The following RGS6 variants were observed in gnomAD, a reference collection of about 807,000 sequenced individuals.
The protein encoded by RGS6 is regulator of G protein signaling 6, also known as regulator of G-protein signaling 6.
RGS6 carries 30 observed loss-of-function variants against 78.5 expected under a neutral mutation model. The ratio of observed to expected loss-of-function variants is 0.38; its 90% CI spans 0.29 to 0.52. RGS6 has a LOEUF of 0.52. Among genes scored for constraint, RGS6 ranks in the 20% least tolerant of loss-of-function variants. The pLI is 0.85. For missense variants in RGS6, 495 were observed against 609.7 expected, an observed-to-expected ratio of 0.81 and a Z score of 1.98; for synonymous variants, 206 against 206.0, an observed-to-expected ratio of 1.00 and a Z score of 0.00.
chr14:72,083,545 A>T (rs1225234808), intron 2 of RGS6, among the ~76,000 whole-genome samples: 2 of 152,152 alleles, frequency 1.3e-5, no homozygotes, highest in Non-Finnish European at 2.9e-5. Context: ...GGCTATGTGG[A>T]TGTTGTGTAG....
At chr14:72,085,114 A>G (rs2094974447) in intron 2 of RGS6, among the ~76,000 whole-genome samples, 1 of 152,216 alleles carries the variant, frequency 6.6e-6, no homozygotes, top group Non-Finnish European at 1.5e-5. Flanking sequence ...AGAATGGTGG[A>G]TACTCCATAT....
chr14:72,337,117 A>G (rs2152639888), intron 2 of RGS6, among the ~76,000 whole-genome samples: 1 of 152,186 alleles, frequency 6.6e-6, no homozygotes, highest in Admixed American at 6.5e-5. Context: ...TTGTCATAGG[A>G]ATATCACCCA....
At chr14:71,920,728 T>C in the RGS6 span, among the ~76,000 whole-genome samples, 3 of 152,354 alleles carry the variant, frequency 2.0e-5, no homozygotes, top group East Asian at 3.9e-4. Flanking sequence ...TGCCTGCTCA[T>C]GTGTATATTA....
At position 72,122,744 on chromosome 14, in the gene RGS6, T is replaced by TG. The variant is rs201108595; in HGVS notation, c.84+157869_84+157870insG. On this transcript the variant is annotated intron_variant, in intron 2 of 17. Transcript: ENST00000553525. ...CACTCTGGGTTCTAAGTTATCGTTT[T>TG]TTTTTTTTTTTTCCATTCTATATAC... Among the ~76,000 whole-genome samples, 1,038 of 151,880 alleles carry TG rather than the reference T, an allele frequency of 6.8e-3. 34 individuals carry two copies. The highest frequency in any genetic ancestry group is 0.059 in the Admixed American group (905 of 15,214).
intron 2 of RGS6, among the ~76,000 whole-genome samples, chr14:72,283,691 C>T (rs2061980045): frequency 6.6e-6 from 1 of 152,274 alleles, no homozygotes; most frequent in Admixed American, 6.5e-5. Context: ...TCTTTATCAG[C>T]AGCATGAGAA....
intron 2 of RGS6, among the ~76,000 whole-genome samples, chr14:72,186,812 C>T (rs2097254565): frequency 6.6e-6 from 1 of 152,110 alleles, no homozygotes; most frequent in African/African-American, 2.4e-5. Flanking sequence ...ACATGTGTCC[C>T]AGCTTAAATG....
At chr14:72,327,023 CA>C (rs2073961096) in intron 2 of RGS6, among the ~76,000 whole-genome samples, 1 of 152,154 alleles carries the variant, frequency 6.6e-6, no homozygotes, top group Non-Finnish European at 1.5e-5. Context: ...TTCTTTATAG[CA>C]ATGAAAGAGT....
intron 1 of RGS6, among the ~76,000 whole-genome samples, chr14:71,938,247 A>T (rs993973858): frequency 1.3e-5 from 2 of 152,106 alleles, no homozygotes; most frequent in African/African-American, 2.4e-5. Context: ...TTTGTCACCA[A>T]TTTTTCAATC....
At chr14:72,373,114 G>C (rs950183347) in intron 3 of RGS6, among the ~76,000 whole-genome samples, 2 of 152,082 alleles carry the variant, frequency 1.3e-5, no homozygotes, top group Non-Finnish European at 2.9e-5. Context: ...CCCTTTTCCT[G>C]TCTAGGTCCT....
At chr14:72,478,489 CTAAGA>C (rs1408797798) in intron 12 of RGS6, among the ~76,000 whole-genome samples, 160 bp downstream of exon 12, 1 of 152,156 alleles carries the variant, frequency 6.6e-6, no homozygotes, top group African/African-American at 2.4e-5. Context: ...GTGAGTATAA[CTAAGA>C]TAACAGACCT....
At chr14:72,489,624 A>G (rs1271467370) in intron 12 of RGS6, among the ~76,000 whole-genome samples, 4 of 152,230 alleles carry the variant, frequency 2.6e-5, no homozygotes, top group Non-Finnish European at 5.9e-5. Context: ...CACAGAAGAA[A>G]GCCATGTGAA....
At chr14:72,153,854 C>T (rs575732175) in intron 2 of RGS6, among the ~76,000 whole-genome samples, 15 of 152,114 alleles carry the variant, frequency 9.9e-5, no homozygotes, top group East Asian at 1.9e-4. Context: ...CAGTGGTGCA[C>T]GTATTATCTT....
chr14:72,392,875 G>C (rs534860034), intron 3 of RGS6, among the ~76,000 whole-genome samples: 1 of 152,118 alleles, frequency 6.6e-6, no homozygotes, highest in African/African-American at 2.4e-5. Context: ...AAGTTGTACC[G>C]GGAAAAACTG....
At chr14:72,106,842 C>T (rs2095643047) in intron 2 of RGS6, among the ~76,000 whole-genome samples, 1 of 152,118 alleles carries the variant, frequency 6.6e-6, no homozygotes, top group South Asian at 2.1e-4. Flanking sequence ...TCTGAACTTC[C>T]TGAGTATCAG....
intron 15 of RGS6, among the ~76,000 whole-genome samples, chr14:72,531,658 TTTTG>T (rs1324241078): frequency 2.6e-5 from 4 of 152,106 alleles, no homozygotes; most frequent in Non-Finnish European, 5.9e-5. Context: ...TTCACTTTCT[TTTTG>T]TTTATTTTTT....
intron 2 of RGS6, among the ~76,000 whole-genome samples, chr14:72,091,168 C>G (rs771913908): frequency 3.3e-5 from 5 of 152,140 alleles, no homozygotes; most frequent in Non-Finnish European, 7.3e-5. Flanking sequence ...CTTGCCATAG[C>G]TCCAACTCCT....
chr14:71,936,283 A>G (rs1224831225), intron 1 of RGS6, among the ~76,000 whole-genome samples: 1 of 151,730 alleles, frequency 6.6e-6, no homozygotes, highest in African/African-American at 2.4e-5. Context: ...AGCATGGGAG[A>G]AAGATGTAGG....
chr14:72,108,267 C>T (rs971329988), intron 2 of RGS6, among the ~76,000 whole-genome samples: 10 of 152,120 alleles, frequency 6.6e-5, no homozygotes, highest in African/African-American at 2.4e-4. Context: ...ATCCTTCTGG[C>T]ATAAAACCCT....
chr14:72,372,826 G>T (rs1480814088), intron 3 of RGS6, among the ~76,000 whole-genome samples: 1 of 152,208 alleles, frequency 6.6e-6, no homozygotes, highest in Non-Finnish European at 1.5e-5. Flanking sequence ...GCTCATCCTT[G>T]CTTCTGCTGC....
Sources: allele counts gnomAD v4.1 joint callset (sites outside exome capture counted in the v4.1 genomes callset), GRCh38; gene constraint gnomAD v4.1.1; transcripts MANE v1.5; gene names NCBI Gene and HGNC (gene_info 2026-07-23, HGNC 2026-07-21).